CNTNAP4: variants seen among roughly 807,000 people sequenced by gnomAD.
CNTNAP4 encodes contactin associated protein family member 4, also known as contactin-associated protein-like 4.
CNTNAP4 carries 98 observed loss-of-function variants against 148.4 expected under a neutral mutation model. The ratio of observed to expected loss-of-function variants is 0.66; its 90% CI spans 0.56 to 0.78. The LOEUF (loss-of-function observed/expected upper bound fraction) is 0.78, where lower values mean the gene tolerates loss of function less well. CNTNAP4 is among the 30% of genes least tolerant of loss of function. The pLI, the probability that CNTNAP4 is intolerant of heterozygous loss-of-function variation, is 0.00. For missense variants in CNTNAP4, 1,935 were observed against 1,565.6 expected, an observed-to-expected ratio of 1.24 and a Z score of -3.98; for synonymous variants, 730 against 565.1, an observed-to-expected ratio of 1.29 and a Z score of -4.14.
chr16:76,510,634 G>A (rs151294434), intron 15 of CNTNAP4, among the ~76,000 whole-genome samples: 1 of 152,246 alleles, frequency 6.6e-6, no homozygotes, highest in Non-Finnish European at 1.5e-5. Flanking sequence ...GCTGAGGAAT[G>A]CAGTTGTCTC....
intron 10 of CNTNAP4, among the ~76,000 whole-genome samples, chr16:76,471,937 A>G (rs998114055): frequency 1.3e-5 from 2 of 152,234 alleles, no homozygotes; most frequent in African/African-American, 4.8e-5. Flanking sequence ...GTTTACTTCA[A>G]TATTAATTCC....
chr16:76,373,400 A>G (rs1271425733), intron 3 of CNTNAP4, among the ~76,000 whole-genome samples: 1 of 152,168 alleles, frequency 6.6e-6, no homozygotes, highest in African/African-American at 2.4e-5. Context: ...TTATCTATCC[A>G]TATTCCCAAT....
intron 12 of CNTNAP4, among the ~76,000 whole-genome samples, chr16:76,481,352 A>T (rs1230601530): frequency 6.6e-6 from 1 of 152,234 alleles, no homozygotes; most frequent in East Asian, 1.9e-4. Flanking sequence ...CATTTTAAAA[A>T]TTTAAACTTA....
chr16:76,394,282 T>C (rs776556466), intron 3 of CNTNAP4, among the ~76,000 whole-genome samples: 3 of 152,194 alleles, frequency 2.0e-5, no homozygotes, highest in Non-Finnish European at 4.4e-5. Context: ...ATTCTGTAAA[T>C]CACAGATGCT....
intron 20 of CNTNAP4, among the ~76,000 whole-genome samples, 184 bp from the exon 21 acceptor site, chr16:76,540,519 T>A (rs879671462): frequency 6.6e-6 from 1 of 151,130 alleles, no homozygotes; most frequent in Non-Finnish European, 1.5e-5. Context: ...TTAATAATTA[T>A]ATAATAACAC....
At chr16:76,387,400 C>A (rs140370347) in intron 3 of CNTNAP4, among the ~76,000 whole-genome samples, 1 of 152,156 alleles carries the variant, frequency 6.6e-6, no homozygotes, top group Admixed American at 6.6e-5. Context: ...AACTGATTGA[C>A]TGATTTTGTA....
chr16:76,521,108 A>AT (rs559104822), intron 15 of CNTNAP4, 32 bp from the exon 16 acceptor site: 5 of 1,478,298 alleles, frequency 3.4e-6, no homozygotes, highest in East Asian at 2.4e-5. Context: ...TTCTTTCTGA[A>AT]TTTTTTTTTC....
At chr16:76,517,082 AT>A (rs901394324) in intron 15 of CNTNAP4, among the ~76,000 whole-genome samples, 3 of 152,126 alleles carry the variant, frequency 2.0e-5, no homozygotes, top group Non-Finnish European at 2.9e-5. Flanking sequence ...AGTAATTCTG[AT>A]TTTTTTTAAA....
chr16:76,500,747 T>A (rs1327059784), intron 15 of CNTNAP4, among the ~76,000 whole-genome samples: 1 of 151,872 alleles, frequency 6.6e-6, no homozygotes, highest in Non-Finnish European at 1.5e-5. Flanking sequence ...TCCACTATAT[T>A]TATGTTCCAT....
At chr16:76,365,668 C>T (rs546140072) in intron 3 of CNTNAP4, among the ~76,000 whole-genome samples, 4 of 146,958 alleles carry the variant, frequency 2.7e-5, no homozygotes, top group African/African-American at 1.0e-4. Context: ...AGGAGAATTG[C>T]TTGAACCTGG....
At chr16:76,331,765 C>G (rs1325134603) in intron 2 of CNTNAP4, among the ~76,000 whole-genome samples, 1 of 152,094 alleles carries the variant, frequency 6.6e-6, no homozygotes, top group Non-Finnish European at 1.5e-5. Flanking sequence ...GAATTACAAA[C>G]CTCCAATAAA....
At chr16:76,278,468 C>G (rs1434727127) in intron 1 of CNTNAP4, among the ~76,000 whole-genome samples, 1 of 152,016 alleles carries the variant, frequency 6.6e-6, no homozygotes, top group Admixed American at 6.5e-5. Flanking sequence ...GAAATAGAAC[C>G]TATTTAGGGA....
chr16:76,540,999 G>A (rs999659400), intron 21 of CNTNAP4, among the ~76,000 whole-genome samples: 5 of 151,930 alleles, frequency 3.3e-5, no homozygotes, highest in African/African-American at 1.2e-4. Flanking sequence ...TTCCTTTGAT[G>A]GTAAGGTCAC....
At chr16:76,415,222 A>G (rs1156988494) in intron 3 of CNTNAP4, among the ~76,000 whole-genome samples, 1 of 151,206 alleles carries the variant, frequency 6.6e-6, no homozygotes, top group Non-Finnish European at 1.5e-5. Flanking sequence ...GATACATATG[A>G]CCACTGTTTC....
chr16:76,546,262 G>T (rs2084726872), intron 21 of CNTNAP4, among the ~76,000 whole-genome samples: 1 of 152,192 alleles, frequency 6.6e-6, no homozygotes, highest in Non-Finnish European at 1.5e-5. Flanking sequence ...ATGATCGGGG[G>T]TTCCTAAACC....
intron 17 of CNTNAP4, among the ~76,000 whole-genome samples, chr16:76,526,281 A>G (rs1159598002): frequency 6.6e-6 from 1 of 152,164 alleles, no homozygotes; most frequent in Non-Finnish European, 1.5e-5. Flanking sequence ...CAAGGAAAAA[A>G]ACAATGTGGC....
chr16:76,521,108 AT>A (rs559104822), intron 15 of CNTNAP4, 31 bp from the exon 16 acceptor site: 74,276 of 1,477,668 alleles, frequency 0.05, 2,367 homozygotes, highest in African/African-American at 0.15. Flanking sequence ...TTCTTTCTGA[AT>A]TTTTTTTTCT....
chr16:76,547,411 C>G (rs9931223), intron 21 of CNTNAP4, among the ~76,000 whole-genome samples: 1 of 151,996 alleles, frequency 6.6e-6, no homozygotes, highest in Admixed American at 6.6e-5. Flanking sequence ...AATCACTACT[C>G]AAAAGTTGAA....
chr16:76,522,054 C>G lies in CNTNAP4; in HGVS notation c.2552C>G (p.Thr851Ser). 3 of 1,613,860 alleles carry G rather than the reference C, an allele frequency of 1.9e-6. No homozygotes were observed. The highest frequency in any genetic ancestry group is 2.5e-6 in the Non-Finnish European group (3 of 1,179,782). Residue 851 changes from threonine (T) to serine (S), a missense_variant, in exon 17 of 24, where the codon ACT becomes AGT. Coordinates refer to ENST00000611870, the MANE Select transcript of CNTNAP4 (RefSeq NM_033401.5). Reference protein sequence around the residue: ...RIELRSPTVVTFSFDVGNGPF... With the variant: ...RIELRSPTVVSFSFDVGNGPF... The stretch of plus-strand genomic sequence containing the variant: ...ATATTTCCAGCTCCGACAGTAGTGA[C>G]TTTTTCATTTGATGTGGGGAATGGG...
Sources: allele counts gnomAD v4.1 joint callset (sites outside exome capture counted in the v4.1 genomes callset), GRCh38; gene constraint gnomAD v4.1.1; transcripts MANE v1.5; gene names NCBI Gene and HGNC (gene_info 2026-07-23, HGNC 2026-07-21).